FGF17: variants seen among roughly 807,000 people sequenced by gnomAD.
The protein encoded by FGF17 is fibroblast growth factor 17.
In FGF17, 5 loss-of-function variants were observed where a neutral mutation model predicts 23.5. That is an observed-to-expected ratio of 0.21 (90% confidence interval 0.11 to 0.45). FGF17 has a LOEUF of 0.45. Ranked by LOEUF, FGF17 falls within the 20% of genes least tolerant of loss-of-function variation. The pLI, the probability that FGF17 is intolerant of heterozygous loss-of-function variation, is 0.99. For missense variants in FGF17, 221 were observed against 306.9 expected (o/e 0.72, Z 2.09); for synonymous variants, 136 against 123.0 (o/e 1.11, Z -0.70).
At chr8:22,047,712 C>G (rs1800958346) in intron 4 of FGF17, among the ~76,000 whole-genome samples, 1 of 152,244 alleles carries the variant, frequency 6.6e-6, no homozygotes, top group Non-Finnish European at 1.5e-5. Flanking sequence ...TCTCAGGAAG[C>G]TGAGGCCCAG....
Position 22,048,054 on chromosome 8 carries a change from C to A in FGF17, c.456C>A (p.Ala152=). 1.2e-6 allele frequency: 2 copies of A among 1,613,240 alleles called. No individual in the cohort carries two copies. The highest frequency in any genetic ancestry group is 1.7e-6 in the Non-Finnish European group (2 of 1,179,806). Residue 152 remains alanine, a synonymous_variant, in exon 5 of 5, where the codon GCC becomes GCA. Transcript: ENST00000359441. This position sits in a 1 kb window ranked among gnomAD's most constrained non-coding sequence, Gnocchi z 6.9. Reference sequence around the variant, plus strand: ...CCCGGCACGAGGGCTGGTTCATGGCCTTCACGCGGCAGGGGCGGCCCCGCC... The same window carrying A: ...CCCGGCACGAGGGCTGGTTCATGGCATTCACGCGGCAGGGGCGGCCCCGCC... ...QNARHEGWFM[A]FTRQGRPRQA... is the part of the protein sequence containing the mutation.
intron 1 of FGF17, 89 bp from the exon 2 acceptor site, chr8:22,043,055 CG>C: frequency 1.9e-6 from 3 of 1,597,614 alleles, no homozygotes; most frequent in East Asian, 2.2e-5. Context: ...CGTGCGTGCA[CG>C]GGGCTGGCAG....
At chr8:22,041,837 G>A (rs753598094), upstream of FGF17, among the ~76,000 whole-genome samples, 1 of 152,180 alleles carries the variant, frequency 6.6e-6, no homozygotes, top group African/African-American at 2.4e-5. Flanking sequence ...GCATTGTACC[G>A]AGCAGTATGA....
At chr8:22,046,836 A>T (rs1012528845) in intron 4 of FGF17, among the ~76,000 whole-genome samples, 4 of 152,158 alleles carry the variant, frequency 2.6e-5, no homozygotes, top group African/African-American at 9.7e-5. Flanking sequence ...GCTGGAGTGC[A>T]GTGGCACAAT....
upstream of FGF17, chr8:22,042,795 C>G (rs1800760602): frequency 5.1e-6 from 4 of 776,752 alleles, no homozygotes; most frequent in Admixed American, 4.4e-5. Context: ...TCCCCTTTCT[C>G]TCCTCCTCGC....
In FGF17 at chr8:22,046,182, G is replaced by A; in HGVS notation, c.141G>A (p.Leu47=). The change falls in exon 3 of 5, where the codon CTG becomes CTA. Residue 47 remains leucine (L), a synonymous_variant. Transcript: ENST00000359441. ...VRDQGAMTDQ[L]SRRQIREYQL... is the part of the protein sequence containing the mutation. ...ACCAGGGCGCCATGACCGACCAGCT[G>A]AGCAGGCGGCAGATCCGCGAGTACC... 2 of 1,614,152 alleles carry A rather than the reference G, an allele frequency of 1.2e-6. No homozygotes were observed. The highest frequency in any genetic ancestry group is 1.7e-6 in the Non-Finnish European group (2 of 1,180,040).
At position 22,045,025 on chromosome 8, in the gene FGF17, T is replaced by G; in HGVS notation, c.73-1089T>G. The G allele has an allele frequency of 4.1e-6, 4 of 985,488 alleles. No homozygotes were observed. In the South Asian group the frequency reaches 1.9e-4, roughly 46 times the overall value. 61.0% of individuals were successfully genotyped at this position (985,488 alleles called of 1,614,324 possible). A position where few individuals can be genotyped will look rare whatever the true frequency, so the allele number is the denominator to read the frequency against. On this transcript the variant is annotated intron_variant, in intron 2 of 4. Transcript: ENST00000359441. Reference sequence around the variant, plus strand: ...GACAAAACCAGCAAAAAAGGTACATTCTCATGCTAGAGCTGAGGCTGTTGC... The same window carrying G: ...GACAAAACCAGCAAAAAAGGTACATGCTCATGCTAGAGCTGAGGCTGTTGC...
intron 3 of FGF17, 43 bp downstream of exon 3, chr8:22,046,334 T>G: frequency 6.3e-7 from 1 of 1,592,922 alleles, no homozygotes; most frequent in Non-Finnish European, 8.6e-7. Flanking sequence ...ACCTCCACTC[T>G]GCCTCACTTC....
At position 22,042,846 on chromosome 8, in the gene FGF17, T is replaced by A; in HGVS notation, c.-83T>A. 2 of 1,477,006 alleles carry A rather than the reference T, an allele frequency of 1.4e-6. No homozygotes were observed. The highest frequency in any genetic ancestry group is 2.3e-5 in the East Asian group (1 of 43,020). 91.5% of individuals were successfully genotyped at this position (1,477,006 alleles called of 1,614,324 possible). Reference sequence around the variant, plus strand: ...TGGCTCGGAGAGACCTTGGCTTCTCTGGGACTCTACCCCTGGGGACTTCCC... The same window carrying A: ...TGGCTCGGAGAGACCTTGGCTTCTCAGGGACTCTACCCCTGGGGACTTCCC... On this transcript the variant is annotated 5_prime_UTR_variant, in exon 1 of 5. Transcript: ENST00000359441.
chr8:22,041,603 A>T (rs1800738885), upstream of FGF17, among the ~76,000 whole-genome samples: 1 of 152,048 alleles, frequency 6.6e-6, no homozygotes, highest in African/African-American at 2.4e-5. Context: ...GGTCTCCAGG[A>T]CCTCGGATTC....
At chr8:22,043,206 T>C in intron 2 of FGF17, 25 bp downstream of exon 2, 1 of 1,611,862 alleles carries the variant, frequency 6.2e-7, no homozygotes, top group Non-Finnish European at 8.5e-7. Flanking sequence ...CCACCGGCTT[T>C]CCCCCAATTT....
upstream of FGF17, among the ~76,000 whole-genome samples, chr8:22,041,771 C>A (rs2129645619): frequency 6.6e-6 from 1 of 152,338 alleles, no homozygotes; most frequent in Non-Finnish European, 1.5e-5. Flanking sequence ...CCATTCTGAG[C>A]AAACTACCTC....
rs1285713009 is a variant in FGF17 at position 22,046,215 on chromosome 8, C to T, written c.174C>T (p.Tyr58=). The T allele has an allele frequency of 5.6e-6, 9 of 1,613,992 alleles. No individual in the cohort carries two copies. The South Asian group carries it at 9.9e-5, about 18-fold the overall frequency. Residue 58 remains tyrosine (Y), a synonymous_variant, in exon 3 of 5, where the codon TAC becomes TAT. Coordinates refer to ENST00000359441, the MANE Select transcript of FGF17 (RefSeq NM_003867.4). The part of the protein sequence containing the change: ...SRRQIREYQL[Y]SRTSGKHVQV... ...GGCAGATCCGCGAGTACCAACTCTA[C>T]AGCAGGACCAGTGGCAAGCACGTGC...
chr8:22,043,013 AG>A (rs1800766836), intron 1 of FGF17, 50 bp downstream of exon 1: 3 of 1,607,296 alleles, frequency 1.9e-6, no homozygotes, highest in Non-Finnish European at 2.6e-6. Context: ...TTCCAGCCTC[AG>A]GGCAGCCCTC....
Position 22,046,513 on chromosome 8 carries a change from C to T in FGF17, c.251-14C>T, listed in dbSNP as rs767658166. 1 of 1,606,044 alleles carries T rather than the reference C, an allele frequency of 6.2e-7. No homozygotes were observed. The highest frequency in any genetic ancestry group is 1.1e-5 in the South Asian group (1 of 90,856). On this transcript the variant is annotated splice_polypyrimidine_tract_variant and intron_variant, in intron 3 of 4. Transcript: ENST00000359441. ...CCCGATGGACGGAGGTCTTTCTCCC[C>T]TCCCCCACCACAGCCAAGCTCATAG...
intron 2 of FGF17, chr8:22,044,640 G>A (rs1168565063): frequency 2.0e-6 from 2 of 980,602 alleles, no homozygotes; most frequent in African/African-American, 1.8e-5. Flanking sequence ...CCAGCGTGGG[G>A]CAGGCTGGGC....
chr8:22,043,284 G>C, intron 2 of FGF17, 103 bp downstream of exon 2: 4 of 1,193,158 alleles, frequency 3.4e-6, no homozygotes, highest in Non-Finnish European at 4.9e-6. Flanking sequence ...GGCAGAGTCT[G>C]GCCTCTCCCT....
intron 3 of FGF17, 54 bp downstream of exon 3, chr8:22,046,345 C>T: frequency 6.4e-7 from 1 of 1,570,398 alleles, no homozygotes; most frequent in African/African-American, 1.3e-5. Flanking sequence ...GCCTCACTTC[C>T]ACCCTGCCTC....
At position 22,042,918 on chromosome 8, in the gene FGF17, C is replaced by G. The variant is rs757163746; in HGVS notation, c.-11C>G. ...GGCAGGGGGGCAACCGCCTGAGGAA[C>G]CTCTCCAGCGATGGGAGCCGCCCGC... On this transcript the variant is annotated 5_prime_UTR_variant, in exon 1 of 5. Transcript: ENST00000359441. The G allele has an allele frequency of 6.2e-7, 1 of 1,613,332 alleles. No homozygotes were observed. Among genetic ancestry groups the G allele is most frequent in the Non-Finnish European group, 8.5e-7 (1 of 1,179,758 alleles).
Sources: allele counts gnomAD v4.1 joint callset (sites outside exome capture counted in the v4.1 genomes callset), GRCh38; gene constraint gnomAD v4.1.1; non-coding constraint Gnocchi (gnomAD v3.1); transcripts MANE v1.5; gene names NCBI Gene and HGNC (gene_info 2026-07-23, HGNC 2026-07-21).